Variants in TPR observed in about 807,000 individuals in gnomAD.
TPR encodes translocated promoter region, nuclear basket protein, also known as nucleoprotein TPR.
Under a neutral mutation model 316.1 loss-of-function variants are expected in TPR, and 51 were observed. The observed-to-expected ratio is 0.16, with a 90% CI of 0.13 to 0.20. TPR has a LOEUF of 0.20. Ranked by LOEUF, TPR falls within the 10% of genes least tolerant of loss-of-function variation. TPR has a pLI of 1.00. For missense variants in TPR, 2,272 were observed against 2,754.8 expected (o/e 0.82, Z 3.92); for synonymous variants, 981 against 914.7 (o/e 1.07, Z -1.31).
At chr1:186,352,352 C>T (rs1411880863) in intron 18 of TPR, among the ~76,000 whole-genome samples, 1 of 152,046 alleles carries the variant, frequency 6.6e-6, no homozygotes, top group Non-Finnish European at 1.5e-5. Context: ...CTTGCTCTAA[C>T]AATCCACAGT....
intron 15 of TPR, among the ~76,000 whole-genome samples, 180 bp downstream of exon 15, chr1:186,356,106 C>T (rs1659021391): frequency 1.3e-5 from 2 of 152,036 alleles, no homozygotes; most frequent in Admixed American, 1.3e-4. Flanking sequence ...GAAAGCATTT[C>T]TTTTTAGCAA....
In TPR at chr1:186,333,367, T is replaced by C; in HGVS notation, c.5210A>G (p.His1737Arg). Residue 1737 changes from histidine (H) to arginine (R), a missense_variant, in exon 37 of 51, where the codon CAT becomes CGT. Physicochemically the swap from His to Arg is conservative, Grantham distance 29. Transcript: ENST00000367478. ...ACTTGTGCTTCCAAAAACTGGAACA[T>C]GTTCCACAGGCCCTTCTGACTGCAT... is the stretch of plus-strand genomic sequence containing the variant. The part of the protein sequence containing the change: ...EAMQSEGPVE[H>R]VPVFGSTSGS... The C allele has an allele frequency of 6.2e-7, 1 of 1,613,512 alleles. No individual in the cohort carries two copies. Among genetic ancestry groups the C allele is most frequent in the Non-Finnish European group, 8.5e-7 (1 of 1,179,592 alleles).
rs751993383 is a variant in TPR at position 186,344,443 on chromosome 1, T to C, written c.3349A>G (p.Thr1117Ala). 6 of 1,614,184 alleles carry C rather than the reference T, an allele frequency of 3.7e-6. No individual in the cohort carries two copies. Among genetic ancestry groups the C allele is most frequent in the South Asian group, 1.1e-5 (1 of 91,074 alleles). Reference sequence around the variant, plus strand: ...AACAACTGTGATTCTGCTTTCTGTGTTGTTTCTTCCAAATGCTGACGGACT... The same window carrying C: ...AACAACTGTGATTCTGCTTTCTGTGCTGTTTCTTCCAAATGCTGACGGACT... Reference protein sequence around the residue: ...ASVRQHLEETTQKAESQLLEC... With the variant: ...ASVRQHLEETAQKAESQLLEC... Residue 1117 changes from threonine to alanine, a missense_variant, in exon 25 of 51, where the codon ACA (threonine) becomes GCA (alanine). Physicochemically the swap from Thr to Ala is moderately conservative, Grantham distance 58 (BLOSUM62 0). This residue lies in a region of TPR where 757 missense variants were observed against 859.8 expected (regional missense o/e 0.88). Coordinates refer to ENST00000367478, the MANE Select transcript of TPR (RefSeq NM_003292.3).
Position 186,337,041 on chromosome 1 carries a change from A to G in TPR, c.4478T>C (p.Leu1493Pro). The change falls in exon 32 of 51, where the codon CTT becomes CCT. Residue 1493 changes from leucine (L) to proline (P), a missense_variant. This residue lies in a region of TPR where 101 missense variants were observed against 113.0 expected (regional missense o/e 0.89). Transcript: ENST00000367478. ...CTGCAGATTCTCTACTTGACTTTCA[A>G]GTGATTTTGATTTTGTTTCAGCTTG... is the stretch of plus-strand genomic sequence containing the variant. ...LNQAETKSKS[L>P]ESQVENLQKT... 1 of 1,613,834 alleles carries G rather than the reference A, an allele frequency of 6.2e-7. No homozygotes were observed. The highest frequency in any genetic ancestry group is 8.5e-7 in the Non-Finnish European group (1 of 1,179,784).
At chr1:186,326,269 T>A (rs1380319520) in intron 40 of TPR, 34 bp from the exon 41 acceptor site, 1 of 1,573,030 alleles carries the variant, frequency 6.4e-7, no homozygotes. Context: ...AAATAAAAGT[T>A]TAGAATATGG....
rs1657540340 is a variant in TPR at position 186,314,743 on chromosome 1, TAAAAG to T, written c.6941-24_6941-20del. 1 of 1,552,454 alleles carries T rather than the reference TAAAAG, an allele frequency of 6.4e-7. No homozygotes were observed. The highest frequency in any genetic ancestry group is 8.8e-7 in the Non-Finnish European group (1 of 1,139,452). ...CTAGTATCTAAGAAAAACATTAAGA[TAAAAG>T]AAAAGCAAGTGAAAAAATGAGAAAG... On this transcript the variant is annotated intron_variant, in intron 49 of 50. Transcript: ENST00000367478.
chr1:186,367,379 C>A (rs76748438), intron 4 of TPR, among the ~76,000 whole-genome samples: 28,232 of 152,058 alleles, frequency 0.19, 2,957 homozygotes, highest in African/African-American at 0.28. Flanking sequence ...AAGGAAACTT[C>A]TTACCATTAA....
chr1:186,371,452 C>A (rs1329586212), intron 2 of TPR, among the ~76,000 whole-genome samples: 1 of 152,024 alleles, frequency 6.6e-6, no homozygotes, highest in Non-Finnish European at 1.5e-5. Context: ...GTATATACAG[C>A]AAATCACAAT....
Position 186,313,106 on chromosome 1 carries a change from T to C in TPR, c.*865A>G. 1.8e-6 allele frequency: 1 copy of C among 561,584 alleles called. No homozygotes were observed. The highest frequency in any genetic ancestry group is 3.2e-6 in the Non-Finnish European group (1 of 315,554). The allele number at this position is 561,584 out of a possible 1,614,324, so 34.8% of individuals were successfully genotyped here. A position where few individuals can be genotyped will look rare whatever the true frequency, so the allele number is the denominator to read the frequency against. The stretch of plus-strand genomic sequence containing the variant: ...CAATTCTGCTCTAACCTTCATGAGA[T>C]TACGATAAAACATCCAGTTACTAGA... On this transcript the variant is annotated 3_prime_UTR_variant, in exon 51 of 51. Coordinates refer to ENST00000367478, the MANE Select transcript of TPR (RefSeq NM_003292.3).
In TPR at chr1:186,327,650, T is replaced by C. The variant is rs775567167; in HGVS notation, c.5699A>G (p.Gln1900Arg). ...GTCTTCCATAGGTGTATAATCTCCC[T>C]GGGTAACTCCCTTTAAAAATAAAAA... is the stretch of plus-strand genomic sequence containing the variant. ...SQDSIGEGVT[Q>R]GDYTPMEDSE... Residue 1900 changes from glutamine to arginine, a missense_variant, in exon 40 of 51, where the codon CAG (glutamine) becomes CGG (arginine). Gln to Arg is a conservative substitution (Grantham distance 43). Around this residue, in one of 10 missense-constraint regions of TPR, gnomAD observed 435 missense variants for 461.1 expected, o/e 0.94. Coordinates refer to ENST00000367478, the MANE Select transcript of TPR (RefSeq NM_003292.3). The C allele has an allele frequency of 3.7e-6, 6 of 1,612,846 alleles. No homozygotes were observed. The South Asian group carries it at 6.6e-5, about 18-fold the overall frequency.
intron 18 of TPR, among the ~76,000 whole-genome samples, chr1:186,353,188 C>G (rs1411268317): frequency 6.6e-6 from 1 of 152,040 alleles, no homozygotes; most frequent in Non-Finnish European, 1.5e-5. Flanking sequence ...CTGGCTAACA[C>G]AGTGAAACCC....
chr1:186,350,523 CA>C lies in TPR; in HGVS notation c.2611-136del, dbSNP rs200374611. The C allele has an allele frequency of 1.6e-3, 908 of 583,166 alleles. 6 individuals carry two copies. Among genetic ancestry groups the C allele is most frequent in the African/African-American group, 9.2e-3 (471 of 51,284 alleles). The allele number at this position is 583,166 out of a possible 1,614,324, so 36.1% of individuals were successfully genotyped here. ...GATTTACCGTCACACCTGAAACAGC[CA>C]AAAAAAACCAGACAAAACACATGAA... On this transcript the variant is annotated intron_variant, in intron 20 of 50. Transcript: ENST00000367478.
At chr1:186,340,466 C>T (rs1024159279) in intron 29 of TPR, among the ~76,000 whole-genome samples, 6 of 151,790 alleles carry the variant, frequency 4.0e-5, no homozygotes, top group African/African-American at 1.5e-4. Context: ...GGGTCTCCCT[C>T]TCTCACCCAG....
rs1174067613 is a variant in TPR at position 186,312,783 on chromosome 1, GAAGTTA to G, written c.*1182_*1187del. 2 of 1,612,894 alleles carry G rather than the reference GAAGTTA, an allele frequency of 1.2e-6. No individual in the cohort carries two copies. Among genetic ancestry groups the G allele is most frequent in the Non-Finnish European group, 1.7e-6 (2 of 1,179,090 alleles). On this transcript the variant is annotated 3_prime_UTR_variant, in exon 51 of 51. Coordinates refer to ENST00000367478, the MANE Select transcript of TPR (RefSeq NM_003292.3). ...GCCACTTACAGGTGTCCTTCATAAT[GAAGTTA>G]AAGTGAGTATACTGTGGAGAGGACT...
In TPR at chr1:186,369,269, T is replaced by A. The variant is rs547351966; in HGVS notation, c.331-1287A>T. ...ACTGATTCCATCAGAATTTCAGAAT[T>A]TTTTTTTTCTATTTCTGCGAAGAAT... On this transcript the variant is annotated intron_variant, in intron 3 of 50. Transcript: ENST00000367478. Among the ~76,000 whole-genome samples the A allele has an allele frequency of 2.0e-5, 3 of 151,300 alleles. No individual in the cohort carries two copies. The South Asian group carries it at 6.2e-4, about 31-fold the overall frequency.
rs1242878586 is a variant in TPR, at chr1:186,356,321, A to G, written c.1853T>C (p.Leu618Ser). 1 of 1,609,852 alleles carries G rather than the reference A, an allele frequency of 6.2e-7. No homozygotes were observed. The highest frequency in any genetic ancestry group is 8.5e-7 in the Non-Finnish European group (1 of 1,177,232). The stretch of plus-strand genomic sequence containing the variant: ...AATGGCAACTCCTGTTGTTTGTGAC[A>G]ATAAAATACGGTACATATCACGCTG... ...VRQRDMYRIL[L>S]SQTTGVAIPL... Residue 618 changes from leucine (L) to serine (S), a missense_variant, in exon 15 of 51, where the codon TTG becomes TCG. Transcript: ENST00000367478.
Position 186,357,595 on chromosome 1 carries a change from T to G in TPR, c.1526A>C (p.Glu509Ala), listed in dbSNP as rs181422837. The part of the protein sequence containing the change: ...QIRVLLMELE[E>A]ARGNHVIRDE... Reference sequence around the variant, plus strand: ...ACGAATTACGTGGTTACCCCTTGCTTCTTCAAGTTCCATCAAAAGCACTCT... The same window carrying G: ...ACGAATTACGTGGTTACCCCTTGCTGCTTCAAGTTCCATCAAAAGCACTCT... Residue 509 changes from glutamate to alanine, a missense_variant, in exon 14 of 51, where the codon GAA becomes GCA. Glu to Ala is a moderately radical substitution (Grantham distance 107, BLOSUM62 -1). Around this residue, in one of 10 missense-constraint regions of TPR, gnomAD observed 549 missense variants for 598.6 expected, o/e 0.92. Transcript: ENST00000367478. 6.2e-7 allele frequency: 1 copy of G among 1,613,854 alleles called. No individual in the cohort carries two copies. Among genetic ancestry groups the G allele is most frequent in the East Asian group, 2.2e-5 (1 of 44,808 alleles).
chr1:186,316,182 G>C (rs983250480), intron 49 of TPR, among the ~76,000 whole-genome samples: 1 of 151,650 alleles, frequency 6.6e-6, no homozygotes, highest in Non-Finnish European at 1.5e-5. Context: ...ATATAACTGG[G>C]GGCACAAAAC....
chr1:186,373,261 T>A, intron 2 of TPR, 98 bp downstream of exon 2: 2 of 718,674 alleles, frequency 2.8e-6, no homozygotes, highest in Non-Finnish European at 4.3e-6. Context: ...TAATCAATAT[T>A]TTCATGTTTA....
Sources: gnomAD v4.1 joint callset for allele counts (sites outside exome capture counted in the v4.1 genomes callset) on GRCh38, gnomAD v4.1.1 for gene constraint, gnomAD v4.1.1 regional missense constraint, MANE v1.5 for transcripts, NCBI Gene and HGNC (gene_info 2026-07-23, HGNC 2026-07-21) for gene names.